The following RBFOX1 variants were observed in gnomAD, a reference collection of about 807,000 sequenced individuals.
The protein encoded by RBFOX1 is RNA binding fox-1 homolog 1, also known as RNA binding protein fox-1 homolog 1.
RBFOX1 carries 8 observed loss-of-function variants against 57.7 expected under a neutral mutation model. The ratio of observed to expected loss-of-function variants is 0.14; its 90% CI spans 0.08 to 0.25. The LOEUF is 0.25. RBFOX1 is among the 10% of genes least tolerant of loss of function. The pLI is 1.00. For missense variants in RBFOX1, 611 were observed against 548.5 expected (o/e 1.11, Z -1.14); for synonymous variants, 326 against 222.4 (o/e 1.47, Z -4.15).
chr16:6,485,540 T>G (rs1033457338), intron 2 of RBFOX1, among the ~76,000 whole-genome samples: 1 of 103,442 alleles, frequency 9.7e-6, no homozygotes, highest in African/African-American at 3.6e-5. Context: ...GAGCCTGTTT[T>G]TCTTTCTTTC....
intron 2 of RBFOX1, among the ~76,000 whole-genome samples, chr16:5,502,143 AG>A (rs966416980): frequency 3.3e-5 from 5 of 152,284 alleles, no homozygotes; most frequent in Admixed American, 2.6e-4. Flanking sequence ...TAGCTAAACT[AG>A]GGGAAGAAAT....
At chr16:5,855,597 T>C (rs12930592) in intron 3 of RBFOX1, among the ~76,000 whole-genome samples, 124,158 of 152,086 alleles carry the variant, frequency 0.82, 50,816 homozygotes, top group Admixed American at 0.87. Context: ...TGTTTTTTGC[T>C]GCTACTATAC....
intron 4 of RBFOX1, among the ~76,000 whole-genome samples, chr16:5,906,211 A>C (rs962270421): frequency 1.3e-5 from 2 of 152,134 alleles, no homozygotes; most frequent in African/African-American, 4.8e-5. Flanking sequence ...TTATTTGGAA[A>C]TAGGGTTCTT....
intron 1 of RBFOX1, among the ~76,000 whole-genome samples, chr16:5,306,800 A>T (rs563778588): frequency 1.4e-3 from 208 of 152,258 alleles, no homozygotes; most frequent in Non-Finnish European, 2.6e-3. Flanking sequence ...GTCTTGCAGG[A>T]CCGTAAGACA....
chr16:7,254,363 G>A (rs955946862), intron 4 of RBFOX1, among the ~76,000 whole-genome samples: 1 of 152,008 alleles, frequency 6.6e-6, no homozygotes, highest in Non-Finnish European at 1.5e-5. Context: ...TAGGTTAATC[G>A]GGTTTATTGG....
intron 12 of RBFOX1, among the ~76,000 whole-genome samples, chr16:7,657,512 C>T (rs1180337092): frequency 6.6e-6 from 1 of 152,210 alleles, no homozygotes; most frequent in East Asian, 1.9e-4. Context: ...ACCATTTTGG[C>T]CAGGCTGGTC....
At chr16:7,518,611 T>G (rs984230282) in intron 5 of RBFOX1, among the ~76,000 whole-genome samples, 2 of 152,238 alleles carry the variant, frequency 1.3e-5, no homozygotes, top group African/African-American at 4.8e-5. Flanking sequence ...TTCATTTATT[T>G]GTAAAGGGGC....
At chr16:6,547,192 C>T (rs780766959) in intron 2 of RBFOX1, among the ~76,000 whole-genome samples, 3 of 152,152 alleles carry the variant, frequency 2.0e-5, no homozygotes, top group Non-Finnish European at 2.9e-5. Context: ...TTATAAAATG[C>T]TCTTCCCCCA....
At chr16:6,373,903 A>T (rs2090830984) in intron 2 of RBFOX1, among the ~76,000 whole-genome samples, 1 of 152,118 alleles carries the variant, frequency 6.6e-6, no homozygotes, top group Non-Finnish European at 1.5e-5. Context: ...TGTCTTTCAG[A>T]TAGTAGGTGT....
intron 2 of RBFOX1, among the ~76,000 whole-genome samples, chr16:6,378,152 C>T (rs1452598783): frequency 6.6e-6 from 1 of 152,232 alleles, no homozygotes; most frequent in Non-Finnish European, 1.5e-5. Flanking sequence ...GCTACCAGAG[C>T]TTCTGTTGTT....
At chr16:5,270,967 T>A (rs375007634) in intron 1 of RBFOX1, 10 of 352,444 alleles carry the variant, frequency 2.8e-5, no homozygotes, top group East Asian at 9.5e-5. Flanking sequence ...TTCAGACTTA[T>A]AACAGTGGCA....
chr16:5,824,846 C>G (rs1567590616), intron 3 of RBFOX1, among the ~76,000 whole-genome samples: 1 of 152,100 alleles, frequency 6.6e-6, no homozygotes, highest in South Asian at 2.1e-4. Context: ...TCCCTGGTTC[C>G]CGAGGTGGGC....
chr16:6,780,932 C>A (rs1418130922), intron 3 of RBFOX1, among the ~76,000 whole-genome samples: 2 of 151,954 alleles, frequency 1.3e-5, no homozygotes, highest in African/African-American at 4.8e-5. Flanking sequence ...TGTTTTCTTC[C>A]ATTTTGTAGG....
chr16:7,455,780 C>T (rs1394321105), intron 4 of RBFOX1, among the ~76,000 whole-genome samples: 2 of 106,268 alleles, frequency 1.9e-5, no homozygotes, highest in Non-Finnish European at 3.7e-5. Context: ...AATGAGACTC[C>T]ATCTCAAAAA....
chr16:6,949,807 T>C (rs1010154724), intron 3 of RBFOX1, among the ~76,000 whole-genome samples: 1 of 147,182 alleles, frequency 6.8e-6, no homozygotes, highest in Admixed American at 6.8e-5. Context: ...ATTTTTTTTT[T>C]CTGTGTGTGT....
intron 1 of RBFOX1, among the ~76,000 whole-genome samples, chr16:5,389,192 A>AAAAT (rs34759657): frequency 0.5 from 74,541 of 149,954 alleles, 18,834 homozygotes; most frequent in Non-Finnish European, 0.53. Flanking sequence ...CTCCGTCTCA[A>AAAAT]AAATAAATAA....
rs538232607 is a variant in RBFOX1, at chr16:6,097,197, A to G, written c.-127+77205A>G. ...GACGTGACTTTCGCTTTCTGCCATG[A>G]TTGTGAGGCCTCCGTAGCCATGTGG... On this transcript the variant is annotated intron_variant, in intron 1 of 15. Coordinates refer to ENST00000550418, the MANE Select transcript of RBFOX1 (RefSeq NM_018723.4). This position sits in a 1 kb window ranked among gnomAD's most constrained non-coding sequence, Gnocchi z 5.0. 2.0e-5 allele frequency among the ~76,000 whole-genome samples: 3 copies of G among 152,162 alleles called. No individual in the cohort carries two copies. The East Asian group carries it at 5.8e-4, about 29-fold the overall frequency.
At chr16:6,216,730 C>G (rs1264538778) in intron 1 of RBFOX1, among the ~76,000 whole-genome samples, 1 of 152,062 alleles carries the variant, frequency 6.6e-6, no homozygotes, top group East Asian at 1.9e-4. Context: ...TTTTGTTTGT[C>G]TCTTTATTTC....
rs2067607655 is a variant in RBFOX1 at position 5,427,785 on chromosome 16, A to T, written c.220-39431A>T. On this transcript the variant is annotated intron_variant, in intron 1 of 2. Transcript: ENST00000585867. ...ACCTGATTGGATGGGGCCCACCCAC[A>T]TTAGAGAGTCAACCTGCTGGACTCA... Among the ~76,000 whole-genome samples the T allele has an allele frequency of 1.3e-5, 2 of 152,152 alleles. 1 individual carries two copies. The highest frequency in any genetic ancestry group is 4.2e-4 in the South Asian group (2 of 4,818).
Sources: allele counts gnomAD v4.1 joint callset (sites outside exome capture counted in the v4.1 genomes callset), GRCh38; gene constraint gnomAD v4.1.1; non-coding constraint Gnocchi (gnomAD v3.1); transcripts MANE v1.5; gene names NCBI Gene and HGNC (gene_info 2026-07-23, HGNC 2026-07-21).